Variants in GLIS3 observed in about 807,000 individuals in gnomAD.
GLIS3 encodes GLIS family zinc finger 3.
Under a neutral mutation model 78.6 loss-of-function variants are expected in GLIS3, and 53 were observed. That is an observed-to-expected ratio of 0.67 (90% CI 0.54 to 0.85). The LOEUF is 0.85. GLIS3 is among the 40% of genes least tolerant of loss of function. GLIS3 has a pLI of 0.00. For missense variants in GLIS3, 1,703 were observed against 1,231.1 expected (o/e 1.38, Z -5.74); for synonymous variants, 684 against 509.9 (o/e 1.34, Z -4.60).
chr9:4,054,707 G>C (rs1247575187), intron 4 of GLIS3, among the ~76,000 whole-genome samples: 1 of 152,070 alleles, frequency 6.6e-6, no homozygotes, highest in East Asian at 1.9e-4. Flanking sequence ...CATTGCTGTT[G>C]GTCAAACTAG....
the GLIS3 span, among the ~76,000 whole-genome samples, chr9:4,380,615 A>C: frequency 2.0e-5 from 3 of 152,236 alleles, no homozygotes; most frequent in Admixed American, 6.5e-5. Flanking sequence ...ATAGGACTGA[A>C]GTTGGCCAAG....
the GLIS3 span, among the ~76,000 whole-genome samples, chr9:4,454,877 A>G: frequency 6.6e-6 from 1 of 152,192 alleles, no homozygotes; most frequent in Admixed American, 6.5e-5. Context: ...TTTTTGTTTC[A>G]TATAATCTAG....
chr9:4,206,427 T>G (rs991537492), intron 2 of GLIS3, among the ~76,000 whole-genome samples: 5 of 152,198 alleles, frequency 3.3e-5, no homozygotes, highest in African/African-American at 1.2e-4. Flanking sequence ...CTATTACTAT[T>G]TCCAACTGAA....
At chr9:4,221,277 C>G (rs553244478) in intron 2 of GLIS3, among the ~76,000 whole-genome samples, 1 of 152,184 alleles carries the variant, frequency 6.6e-6, no homozygotes, top group African/African-American at 2.4e-5. Flanking sequence ...GGGTGAAGGG[C>G]ATATGGGAAT....
At chr9:4,190,179 C>T (rs9775516) in intron 2 of GLIS3, among the ~76,000 whole-genome samples, 3,403 of 152,230 alleles carry the variant, frequency 0.022, 136 homozygotes, top group African/African-American at 0.078. Context: ...CAAAGCTGGA[C>T]GGAGAATGAC....
upstream of GLIS3, among the ~76,000 whole-genome samples, chr9:4,349,409 T>C (rs1817934155): frequency 6.6e-6 from 1 of 152,240 alleles, no homozygotes; most frequent in African/African-American, 2.4e-5. Flanking sequence ...GGAATTATTT[T>C]ATTTGTATCC....
chr9:4,364,426 G>T, the GLIS3 span, among the ~76,000 whole-genome samples: 3 of 151,966 alleles, frequency 2.0e-5, no homozygotes, highest in Admixed American at 2.0e-4. Flanking sequence ...TAGGAAATTG[G>T]TTAAATTGCT....
intron 2 of GLIS3, among the ~76,000 whole-genome samples, chr9:4,199,472 A>G (rs1271643159): frequency 2.7e-5 from 4 of 149,450 alleles, no homozygotes; most frequent in Non-Finnish European, 5.9e-5. Flanking sequence ...ATAAGTTTAT[A>G]TATATAAGTT....
At chr9:4,036,738 A>G (rs1210955250) in intron 4 of GLIS3, among the ~76,000 whole-genome samples, 1 of 152,160 alleles carries the variant, frequency 6.6e-6, no homozygotes. Flanking sequence ...CATAGTGATT[A>G]CTAGTTGTTC....
At chr9:4,360,702 C>G in the GLIS3 span, among the ~76,000 whole-genome samples, 1 of 152,250 alleles carries the variant, frequency 6.6e-6, no homozygotes, top group East Asian at 1.9e-4. Context: ...CTTTTTTATT[C>G]CAAAGCTTAT....
chr9:4,146,020 T>G (rs1452504894), intron 2 of GLIS3, among the ~76,000 whole-genome samples: 1 of 152,174 alleles, frequency 6.6e-6, no homozygotes, highest in Non-Finnish European at 1.5e-5. Context: ...ATTTGGCAAT[T>G]TTAACCTATA....
intron 2 of GLIS3, among the ~76,000 whole-genome samples, chr9:4,195,787 G>C (rs1818778392): frequency 6.6e-6 from 1 of 152,258 alleles, no homozygotes; most frequent in Admixed American, 6.5e-5. Context: ...CTGGAGGATT[G>C]TGGATGCACC....
At chr9:4,187,588 G>C (rs567597513) in intron 2 of GLIS3, among the ~76,000 whole-genome samples, 1 of 152,314 alleles carries the variant, frequency 6.6e-6, no homozygotes, top group African/African-American at 2.4e-5. Context: ...ACCTTGGACT[G>C]TATGGCCATT....
At chr9:3,967,495 T>G (rs1452988717) in intron 4 of GLIS3, among the ~76,000 whole-genome samples, 7 of 151,736 alleles carry the variant, frequency 4.6e-5, no homozygotes. Context: ...AGAGCGAGAC[T>G]CCACCACAAA....
chr9:4,059,914 A>G (rs1011351280), intron 4 of GLIS3, among the ~76,000 whole-genome samples: 7 of 151,194 alleles, frequency 4.6e-5, no homozygotes, highest in Non-Finnish European at 7.4e-5. Flanking sequence ...AAAAAAATCT[A>G]TGATTTTGTT....
intron 2 of GLIS3, among the ~76,000 whole-genome samples, chr9:4,239,102 G>A (rs185129826): frequency 2.8e-5 from 4 of 143,418 alleles, no homozygotes; most frequent in African/African-American, 1.0e-4. Context: ...GGACATTTGG[G>A]TTGGTTCCAA....
chr9:4,103,709 G>A (rs1830548636), intron 4 of GLIS3, among the ~76,000 whole-genome samples: 1 of 152,096 alleles, frequency 6.6e-6, no homozygotes, highest in African/African-American at 2.4e-5. Flanking sequence ...TGTTTTTAAT[G>A]CCTACCAATT....
chr9:4,219,248 C>G (rs965182596), intron 2 of GLIS3, among the ~76,000 whole-genome samples: 3 of 152,222 alleles, frequency 2.0e-5, no homozygotes, highest in African/African-American at 7.2e-5. Flanking sequence ...TGACCAACAT[C>G]AAGTACATAG....
chr9:4,475,037 A>G, the GLIS3 span, among the ~76,000 whole-genome samples: 2 of 124,902 alleles, frequency 1.6e-5, no homozygotes, highest in Admixed American at 2.1e-4. Context: ...TCTGTCGACC[A>G]GGCTAGAGTG....
Sources: allele counts gnomAD v4.1 joint callset (sites outside exome capture counted in the v4.1 genomes callset), GRCh38; gene constraint gnomAD v4.1.1; transcripts MANE v1.5; gene names NCBI Gene and HGNC (gene_info 2026-07-23, HGNC 2026-07-21).